REPS1: variants seen among roughly 807,000 people sequenced by gnomAD.
The protein encoded by REPS1 is ralBP1-associated Eps domain-containing protein 1.
REPS1 carries 39 observed loss-of-function variants against 100.9 expected under a neutral mutation model. That is an observed-to-expected ratio of 0.39 (90% CI 0.30 to 0.50). The LOEUF (loss-of-function observed/expected upper bound fraction) is 0.50. Among genes scored for constraint, REPS1 ranks in the 20% least tolerant of loss-of-function variants. The pLI, the probability that REPS1 is intolerant of heterozygous loss-of-function variation, is 0.86. For missense variants in REPS1, 821 were observed against 968.5 expected (o/e 0.85, Z 2.02); for synonymous variants, 324 against 340.3 (o/e 0.95, Z 0.53).
intron 8 of REPS1, among the ~76,000 whole-genome samples, chr6:138,932,279 T>C (rs1781530170): frequency 7.2e-6 from 1 of 139,464 alleles, no homozygotes; most frequent in Admixed American, 7.6e-5. Context: ...CCTAGAGTTG[T>C]AGACCTCAAA....
chr6:138,936,277 C>T (rs188706998), intron 8 of REPS1, among the ~76,000 whole-genome samples: 29 of 152,148 alleles, frequency 1.9e-4, no homozygotes, highest in Non-Finnish European at 3.8e-4. Context: ...ACTGTAACCT[C>T]GAACTCCTAG....
At chr6:138,957,659 A>G (rs769456571) in intron 1 of REPS1, among the ~76,000 whole-genome samples, 31 of 152,180 alleles carry the variant, frequency 2.0e-4, no homozygotes, top group Non-Finnish European at 4.0e-4. Context: ...TCCAGATCAA[A>G]GTGCAATGAC....
intron 1 of REPS1, among the ~76,000 whole-genome samples, chr6:138,974,052 A>T (rs1784470950): frequency 6.6e-6 from 1 of 152,108 alleles, no homozygotes; most frequent in African/African-American, 2.4e-5. Context: ...ACCTCTGCAA[A>T]CCCAGTGCCC....
chr6:138,919,259 TCCA>T (rs1309562616), intron 12 of REPS1, among the ~76,000 whole-genome samples: 4 of 151,900 alleles, frequency 2.6e-5, no homozygotes, highest in African/African-American at 9.7e-5. Context: ...ATAGCCAGAG[TCCA>T]GCCACTTCTC....
chr6:138,954,658 C>G lies in REPS1; in HGVS notation c.154-6745G>C, dbSNP rs558825895. Reference sequence around the variant, plus strand: ...CACATTATATATTTGAAACATCACTCTGTATCCCAGGAATATGGACAATTA... The same window carrying G: ...CACATTATATATTTGAAACATCACTGTGTATCCCAGGAATATGGACAATTA... On this transcript the variant is annotated intron_variant, in intron 1 of 19. Coordinates refer to ENST00000450536, the MANE Select transcript of REPS1 (RefSeq NM_001286611.2). Among the ~76,000 whole-genome samples, 938 of 152,252 alleles carry G rather than the reference C, an allele frequency of 6.2e-3. 8 individuals carry two copies. Among genetic ancestry groups the G allele is most frequent in the African/African-American group, 0.021 (891 of 41,556 alleles).
chr6:138,987,480 C>T, intron 1 of REPS1, 50 bp downstream of exon 1: 2 of 1,470,646 alleles, frequency 1.4e-6, no homozygotes, highest in Non-Finnish European at 1.8e-6. Flanking sequence ...CTCCTGGAGG[C>T]CAGTGACTGC....
rs372348531 is a variant in REPS1 at position 138,980,968 on chromosome 6, T to C, written c.153+6562A>G. ...ACAAAGAAGTCTTTGTTGAAAGTAT[T>C]TAAAACTGATTTAAGACAGAAGTGT... On this transcript the variant is annotated intron_variant, in intron 1 of 19. Transcript: ENST00000450536. Among the ~76,000 whole-genome samples the C allele has an allele frequency of 2.6e-5, 4 of 152,202 alleles. No homozygotes were observed. The East Asian group carries it at 7.7e-4, about 29-fold the overall frequency.
intron 16 of REPS1, 46 bp downstream of exon 16, chr6:138,912,719 G>C (rs758419721): frequency 2.4e-5 from 37 of 1,562,370 alleles, no homozygotes; most frequent in South Asian, 2.2e-4. Context: ...ACATGGTATG[G>C]GAAGTGACTG....
intron 12 of REPS1, among the ~76,000 whole-genome samples, chr6:138,919,589 G>C (rs1405185708): frequency 6.6e-6 from 1 of 152,182 alleles, no homozygotes; most frequent in Non-Finnish European, 1.5e-5. Flanking sequence ...AGTAAAAGCA[G>C]GTCCTGCCTT....
chr6:138,979,181 AAAAAAAAAAAAAAAAAC>A (rs1449915510), intron 1 of REPS1, among the ~76,000 whole-genome samples: 3 of 48,642 alleles, frequency 6.2e-5, no homozygotes, highest in Non-Finnish European at 1.2e-4. Flanking sequence ...AATCCATCAC[AAAAAAAAAAAAAAAAAC>A]AAAAAAAAAA....
In REPS1 at chr6:138,921,022, C is replaced by T. The variant is rs1192215308; in HGVS notation, c.1426+15G>A. Reference sequence around the variant, plus strand: ...GATGTAAAACTAAAATACAAACCAGCAACAGCTTCCTTACCGCTGCCAGTT... The same window carrying T: ...GATGTAAAACTAAAATACAAACCAGTAACAGCTTCCTTACCGCTGCCAGTT... On this transcript the variant is annotated intron_variant, in intron 11 of 19. Coordinates refer to ENST00000450536, the MANE Select transcript of REPS1 (RefSeq NM_001286611.2). 1 of 1,589,244 alleles carries T rather than the reference C, an allele frequency of 6.3e-7. No homozygotes were observed. Among genetic ancestry groups the T allele is most frequent in the Non-Finnish European group, 8.6e-7 (1 of 1,159,424 alleles).
chr6:138,909,074 A>G (rs938224599), intron 17 of REPS1, among the ~76,000 whole-genome samples: 1 of 152,220 alleles, frequency 6.6e-6, no homozygotes, highest in Non-Finnish European at 1.5e-5. Flanking sequence ...AGACTGTAAT[A>G]TTCACAGTTT....
At chr6:138,938,928 A>AG (rs1411954818) in intron 8 of REPS1, among the ~76,000 whole-genome samples, 2 of 151,300 alleles carry the variant, frequency 1.3e-5, no homozygotes, top group Non-Finnish European at 2.9e-5. Flanking sequence ...GCTCACTGCA[A>AG]CCTCCGCCTC....
intron 8 of REPS1, among the ~76,000 whole-genome samples, chr6:138,930,973 T>TA (rs758876832): frequency 2.0e-5 from 3 of 152,172 alleles, no homozygotes; most frequent in Non-Finnish European, 4.4e-5. Context: ...AAATTATATT[T>TA]AAAAACAGAA....
intron 1 of REPS1, among the ~76,000 whole-genome samples, chr6:138,967,483 T>G (rs1784088494): frequency 6.6e-6 from 1 of 152,220 alleles, no homozygotes; most frequent in Non-Finnish European, 1.5e-5. Flanking sequence ...AAAGTTGAGG[T>G]TGACTCAACC....
rs1047587995 is a variant in REPS1, at chr6:138,945,316, T to C, written c.531A>G (p.Thr177=). The C allele has an allele frequency of 3.1e-6, 5 of 1,612,372 alleles. No individual in the cohort carries two copies. The highest frequency in any genetic ancestry group is 1.7e-5 in the Admixed American group (1 of 59,920). ...TGGGATGACGGCTGTGCTTCCTCCATGTGTGTGGAGAAGTTGGTGGGGATT... is the reference window on the plus strand; with the variant it reads ...TGGGATGACGGCTGTGCTTCCTCCACGTGTGTGGAGAAGTTGGTGGGGATT... ...PQQSPPTSPH[T]WRKHSRHPSG... The change falls in exon 4 of 20, where the codon ACA becomes ACG. Residue 177 remains threonine (T), a synonymous_variant. Coordinates refer to ENST00000450536, the MANE Select transcript of REPS1 (RefSeq NM_001286611.2).
chr6:138,906,056 T>A (rs1333282656), intron 19 of REPS1, among the ~76,000 whole-genome samples: 2 of 152,376 alleles, frequency 1.3e-5, no homozygotes, highest in East Asian at 3.9e-4. Context: ...AAATAGCTTC[T>A]ATATACTTGT....
At position 138,945,832 on chromosome 6, in the gene REPS1, C is replaced by T; in HGVS notation, c.278-135G>A. ...AACAAGAGGCACAAAATGTCTATCA[C>T]CACAAAATTTGGACCACCATCTCCC... On this transcript the variant is annotated intron_variant, in intron 2 of 19. Transcript: ENST00000450536. The T allele has an allele frequency of 5.8e-6, 4 of 687,074 alleles. No homozygotes were observed. The South Asian group carries it at 1.0e-4, about 17-fold the overall frequency. 42.6% of individuals were successfully genotyped at this position (687,074 alleles called of 1,614,324 possible). A position where few individuals can be genotyped will look rare whatever the true frequency, so the allele number is the denominator to read the frequency against.
intron 19 of REPS1, among the ~76,000 whole-genome samples, chr6:138,907,163 T>G (rs1253939524): frequency 7.9e-5 from 12 of 152,142 alleles, no homozygotes; most frequent in Non-Finnish European, 2.9e-5. Flanking sequence ...GAATCTGAGT[T>G]GTCTTTGATA....
Sources: gnomAD v4.1 joint callset for allele counts (sites outside exome capture counted in the v4.1 genomes callset) on GRCh38, gnomAD v4.1.1 for gene constraint, MANE v1.5 for transcripts, NCBI Gene and HGNC (gene_info 2026-07-23, HGNC 2026-07-21) for gene names.